The following ESRRG variants were observed in gnomAD, a reference collection of about 807,000 sequenced individuals.
ESRRG encodes estrogen related receptor gamma.
Under a neutral mutation model 44.0 loss-of-function variants are expected in ESRRG, and 13 were observed. The observed-to-expected ratio is 0.30, with a 90% CI of 0.19 to 0.47. ESRRG has a LOEUF of 0.47. Among genes scored for constraint, ESRRG ranks in the 20% least tolerant of loss-of-function variants. ESRRG has a pLI of 1.00. For missense variants in ESRRG, 395 were observed against 580.6 expected, an observed-to-expected ratio of 0.68 and a Z score of 3.29; for synonymous variants, 215 against 214.6, an observed-to-expected ratio of 1.00 and a Z score of -0.02.
intron 2 of ESRRG, among the ~76,000 whole-genome samples, chr1:216,824,425 T>A (rs1232851900): frequency 6.6e-6 from 1 of 151,970 alleles, no homozygotes; most frequent in East Asian, 1.9e-4. Context: ...CAGCCTGGGC[T>A]TCAGAGTGAG....
intron 2 of ESRRG, among the ~76,000 whole-genome samples, chr1:216,872,340 C>T (rs2149224073): frequency 6.6e-6 from 1 of 152,178 alleles, no homozygotes; most frequent in South Asian, 2.1e-4. Context: ...TTTTCTTTCT[C>T]CTAGTGTTGG....
chr1:216,562,641 C>T (rs2058990667), intron 5 of ESRRG, among the ~76,000 whole-genome samples: 1 of 151,820 alleles, frequency 6.6e-6, no homozygotes, highest in South Asian at 2.1e-4. Context: ...AAGGGCAGCC[C>T]CTCATGACAA....
intron 2 of ESRRG, among the ~76,000 whole-genome samples, chr1:216,666,270 A>T (rs1469421353): frequency 6.6e-6 from 1 of 152,214 alleles, no homozygotes; most frequent in Non-Finnish European, 1.5e-5. Context: ...TCTTTCCTAC[A>T]TTTAGAGTGA....
At chr1:216,948,904 T>C (rs1196938109) in intron 1 of ESRRG, among the ~76,000 whole-genome samples, 26 of 152,166 alleles carry the variant, frequency 1.7e-4, no homozygotes, top group Admixed American at 1.7e-3. Context: ...GTGCACTTTT[T>C]CAAGGATCTA....
chr1:216,860,500 T>C (rs1186101615), intron 2 of ESRRG, among the ~76,000 whole-genome samples: 1 of 151,820 alleles, frequency 6.6e-6, no homozygotes, highest in Non-Finnish European at 1.5e-5. Flanking sequence ...ATCTTAAAAG[T>C]AGCCAGAGAC....
In ESRRG at chr1:216,568,946, C is replaced by T. The variant is rs561169228; in HGVS notation, c.590-848G>A. Reference sequence around the variant, plus strand: ...GTGCATGCCTGTAATCCCAGCTACTCGGGAGTCTGAGGCAGGAGAATCGCT... The same window carrying T: ...GTGCATGCCTGTAATCCCAGCTACTTGGGAGTCTGAGGCAGGAGAATCGCT... On this transcript the variant is annotated intron_variant, in intron 3 of 6. Transcript: ENST00000408911. 3.7e-4 allele frequency among the ~76,000 whole-genome samples: 56 copies of T among 151,880 alleles called. 1 individual carries two copies. In the South Asian group the frequency reaches 7.3e-3, roughly 20 times the overall value.
intron 3 of ESRRG, among the ~76,000 whole-genome samples, chr1:216,606,128 G>T (rs1435337511): frequency 2.0e-5 from 3 of 152,114 alleles, no homozygotes; most frequent in Admixed American, 6.5e-5. Flanking sequence ...TTCCTTCACT[G>T]CCCACCCCCA....
chr1:216,935,683 CT>C (rs1389640888), intron 2 of ESRRG, among the ~76,000 whole-genome samples: 1 of 151,602 alleles, frequency 6.6e-6, no homozygotes, highest in East Asian at 1.9e-4. Flanking sequence ...GTGGAGTGAT[CT>C]TGGGTCACTG....
At chr1:217,048,555 A>G (rs897177173) in intron 1 of ESRRG, among the ~76,000 whole-genome samples, 15 of 152,150 alleles carry the variant, frequency 9.9e-5, no homozygotes, top group African/African-American at 3.4e-4. Flanking sequence ...AAACACTCCT[A>G]TGCAGAAACC....
intron 1 of ESRRG, among the ~76,000 whole-genome samples, chr1:216,943,210 T>C (rs2065532264): frequency 6.6e-6 from 1 of 152,174 alleles, no homozygotes; most frequent in African/African-American, 2.4e-5. Context: ...CTCTGGATTC[T>C]CTTTCCTATC....
intron 2 of ESRRG, among the ~76,000 whole-genome samples, chr1:216,749,639 A>G (rs1172716664): frequency 6.6e-6 from 1 of 152,186 alleles, no homozygotes; most frequent in East Asian, 1.9e-4. Flanking sequence ...TTAATTTGGT[A>G]AAACACATAG....
chr1:216,779,146 T>A, intron 2 of ESRRG, among the ~76,000 whole-genome samples: 1 of 108,536 alleles, frequency 9.2e-6, no homozygotes, highest in African/African-American at 3.8e-5. Context: ...AAATATATAT[T>A]TATATATATA....
chr1:216,728,065 G>A (rs919994715), upstream of ESRRG, among the ~76,000 whole-genome samples: 1 of 152,146 alleles, frequency 6.6e-6, no homozygotes, highest in African/African-American at 2.4e-5. Context: ...TGGGAAAACT[G>A]ACCTTAGTTA....
At chr1:216,728,761 G>T (rs2088087762) in intron 2 of ESRRG, among the ~76,000 whole-genome samples, 1 of 150,568 alleles carries the variant, frequency 6.6e-6, no homozygotes, top group Non-Finnish European at 1.5e-5. Context: ...TGTGGCTTGT[G>T]TTAATCCTTT....
At chr1:216,891,216 C>T (rs1246062735) in intron 2 of ESRRG, among the ~76,000 whole-genome samples, 2 of 152,174 alleles carry the variant, frequency 1.3e-5, no homozygotes, top group Non-Finnish European at 2.9e-5. Flanking sequence ...TAAAATGCTC[C>T]ACTGTTATCA....
At chr1:216,524,056 T>A (rs2046901899) in intron 5 of ESRRG, among the ~76,000 whole-genome samples, 1 of 151,876 alleles carries the variant, frequency 6.6e-6, no homozygotes, top group South Asian at 2.1e-4. Context: ...GGCACTAACA[T>A]TTGGTCTTAG....
chr1:216,944,105 T>C (rs913480743), intron 1 of ESRRG, among the ~76,000 whole-genome samples: 4 of 152,184 alleles, frequency 2.6e-5, no homozygotes, highest in Non-Finnish European at 4.4e-5. Context: ...CAGTGATGGG[T>C]ACAATGTAAG....
intron 2 of ESRRG, among the ~76,000 whole-genome samples, chr1:216,776,241 A>G (rs2093608974): frequency 6.6e-6 from 1 of 152,050 alleles, no homozygotes; most frequent in Non-Finnish European, 1.5e-5. Context: ...AATAATGATA[A>G]TCTGTGGCTT....
intron 3 of ESRRG, among the ~76,000 whole-genome samples, chr1:216,575,633 C>A (rs867526441): frequency 6.6e-6 from 1 of 152,004 alleles, no homozygotes; most frequent in African/African-American, 2.4e-5. Flanking sequence ...ATGAGAAAAC[C>A]GGAACTAGTA....
Sources: allele counts gnomAD v4.1 joint callset (sites outside exome capture counted in the v4.1 genomes callset), GRCh38; gene constraint gnomAD v4.1.1; transcripts MANE v1.5; gene names NCBI Gene and HGNC (gene_info 2026-07-23, HGNC 2026-07-21).